Variants in ZBED1 observed in about 807,000 individuals in gnomAD.
The protein encoded by ZBED1 is E3 SUMO-protein ligase ZBED1.
Under a neutral mutation model 49.7 loss-of-function variants are expected in ZBED1, and 19 were observed. The observed-to-expected ratio is 0.38, with a 90% CI of 0.27 to 0.56. The LOEUF is 0.56. Among genes scored for constraint, ZBED1 ranks in the 20% least tolerant of loss-of-function variants. The pLI, the probability that ZBED1 is intolerant of heterozygous loss-of-function variation, is 0.70. For synonymous variants in ZBED1, 439 were observed against 440.3 expected (o/e 1.00, Z 0.04); for missense variants, 806 against 972.6 (o/e 0.83, Z 2.28).
intron 1 of ZBED1, among the ~76,000 whole-genome samples, chrX:2,495,136 C>CTATTAT (rs199925971): frequency 1.3e-5 from 2 of 149,580 alleles, no homozygotes; most frequent in African/African-American, 4.9e-5. Context: ...ATCATTATTA[C>CTATTAT]TATTATTATT....
intron 1 of ZBED1, among the ~76,000 whole-genome samples, chrX:2,491,709 G>A (rs1198893037): frequency 7.2e-5 from 11 of 152,224 alleles, no homozygotes; most frequent in Admixed American, 6.5e-5. Context: ...CTGTAAGCAC[G>A]TCTGAAGAAG....
At position 2,488,643 on chromosome X, in the gene ZBED1, A is replaced by C; in HGVS notation, c.2077T>G (p.Phe693Val). ...GACAACACGCTTCCTCGCTACAGGA[A>C]GCTGCTGTCCCTAATGCCAAAGAAA... Reference protein sequence around the residue: ...GGFFGIRDSSFL With the variant: ...GGFFGIRDSSVL Residue 693 changes from phenylalanine (F) to valine (V), a missense_variant, in exon 2 of 2, where the codon TTC becomes GTC. Physicochemically the swap from Phe to Val is conservative, Grantham distance 50 (BLOSUM62 -1). Around this residue, in one of 2 missense-constraint regions of ZBED1, gnomAD observed 749 missense variants for 861.3 expected, o/e 0.87. Coordinates refer to ENST00000652001, the MANE Select transcript of ZBED1 (RefSeq NM_001171136.2). 1.9e-6 allele frequency: 3 copies of C among 1,600,842 alleles called. No individual in the cohort carries two copies. The African/African-American group carries it at 4.0e-5, about 22-fold the overall frequency.
At position 2,488,570 on chromosome X, in the gene ZBED1, G is replaced by A; in HGVS notation, c.*65C>T. The A allele has an allele frequency of 6.6e-7, 1 of 1,517,462 alleles. No individual in the cohort carries two copies. The highest frequency in any genetic ancestry group is 8.8e-7 in the Non-Finnish European group (1 of 1,133,828). 94.0% of individuals were successfully genotyped at this position (1,517,462 alleles called of 1,614,324 possible). On this transcript the variant is annotated 3_prime_UTR_variant, in exon 2 of 2. Transcript: ENST00000652001. ...GTTCAAAACCAAGCTGACCGGGTAAGTATTTACAGCAAAGCATCCAATGGG... is the reference window on the plus strand; with the variant it reads ...GTTCAAAACCAAGCTGACCGGGTAAATATTTACAGCAAAGCATCCAATGGG...
Position 2,489,892 on chromosome X carries a change from C to G in ZBED1, c.828G>C (p.Val276=). The G allele has an allele frequency of 6.2e-7, 1 of 1,613,892 alleles. No individual in the cohort carries two copies. Among genetic ancestry groups the G allele is most frequent in the Non-Finnish European group, 8.5e-7 (1 of 1,179,880 alleles). The part of the protein sequence containing the change: ...GATTNYGKDI[V]KACSLLDVAV... ...CGACGTCCAGCAGGGAGCACGCCTT[C>G]ACGATGTCCTTGCCATAGTTGGTGG... The change falls in exon 2 of 2, where the codon GTG becomes GTC. Residue 276 remains valine (V), a synonymous_variant. Coordinates refer to ENST00000652001, the MANE Select transcript of ZBED1 (RefSeq NM_001171136.2).
rs774964103 is a variant in ZBED1 at position 2,488,563 on chromosome X, CG to C, written c.*71del. 4.5e-4 allele frequency: 671 copies of C among 1,502,358 alleles called. 3 individuals are homozygous for C. The African/African-American group carries it at 8.4e-3, about 19-fold the overall frequency. The allele number at this position is 1,502,358 out of a possible 1,614,324, so 93.1% of individuals were successfully genotyped here. Reference sequence around the variant, plus strand: ...CTCTGAGGTTCAAAACCAAGCTGACCGGGTAAGTATTTACAGCAAAGCATCC... The same window carrying C: ...CTCTGAGGTTCAAAACCAAGCTGACCGGTAAGTATTTACAGCAAAGCATCC... On this transcript the variant is annotated 3_prime_UTR_variant, in exon 2 of 2. Coordinates refer to ENST00000652001, the MANE Select transcript of ZBED1 (RefSeq NM_001171136.2).
chrX:2,488,516 G>T lies in ZBED1; in HGVS notation c.*119C>A. 1.6e-6 allele frequency: 2 copies of T among 1,277,266 alleles called. No homozygotes were observed. Among genetic ancestry groups the T allele is most frequent in the Non-Finnish European group, 2.1e-6 (2 of 942,092 alleles). 79.1% of individuals were successfully genotyped at this position (1,277,266 alleles called of 1,614,324 possible). ...ATCTCTTTCCTTTTTCCACCTTCTA[G>T]GTGTCAAAGACAGTGGATGGTCTCT... On this transcript the variant is annotated 3_prime_UTR_variant, in exon 2 of 2. Transcript: ENST00000652001.
intron 1 of ZBED1, among the ~76,000 whole-genome samples, chrX:2,497,155 G>T (rs1440915455): frequency 6.6e-6 from 1 of 152,110 alleles, no homozygotes; most frequent in East Asian, 1.9e-4. Flanking sequence ...CAGCAATTTG[G>T]GATGCCAAGG....
In ZBED1 at chrX:2,488,770, G is replaced by A. The variant is rs781584629; in HGVS notation, c.1950C>T (p.Asn650=). 101 of 1,613,958 alleles carry A rather than the reference G, an allele frequency of 6.3e-5. No homozygotes were observed. The East Asian group carries it at 1.4e-3, about 22-fold the overall frequency. Residue 650 remains asparagine, a synonymous_variant, in exon 2 of 2, where the codon AAC becomes AAT. Coordinates refer to ENST00000652001, the MANE Select transcript of ZBED1 (RefSeq NM_001171136.2). ...HVDEQVFLYE[N]ARSGAEAEPE... ...GTTCCGCCTCTGCCCCACTCCGGGC[G>A]TTCTCATACAGAAACACCTGCTCGT... is the stretch of plus-strand genomic sequence containing the variant.
chrX:2,499,968 A>G (rs2045375422), intron 1 of ZBED1, among the ~76,000 whole-genome samples: 1 of 152,180 alleles, frequency 6.6e-6, no homozygotes. Context: ...GCTTGAGCCC[A>G]GGAGTTCGAG....
intron 1 of ZBED1, among the ~76,000 whole-genome samples, chrX:2,494,871 C>T (rs1464504787): frequency 1.3e-5 from 2 of 151,636 alleles, no homozygotes; most frequent in Non-Finnish European, 1.5e-5. Flanking sequence ...TGAAAGAGGT[C>T]CTGGTACTGT....
chrX:2,493,355 G>A (rs1273338685), intron 1 of ZBED1, among the ~76,000 whole-genome samples: 1 of 151,976 alleles, frequency 6.6e-6, no homozygotes, highest in Non-Finnish European at 1.5e-5. Flanking sequence ...GCTGAAACAG[G>A]TTTTGGTAAT....
At position 2,486,477 on chromosome X, in the gene ZBED1, A is replaced by G. The variant is rs1412653667; in HGVS notation, c.*2158T>C. ...TTGAACAACAGTCCAACTTTACAGC[A>G]TTAAATAAGGGGCAACCGTTCAGGA... On this transcript the variant is annotated 3_prime_UTR_variant, in exon 2 of 2. Coordinates refer to ENST00000652001, the MANE Select transcript of ZBED1 (RefSeq NM_001171136.2). The G allele has an allele frequency of 6.6e-6, 1 of 152,242 alleles. No homozygotes were observed. The highest frequency in any genetic ancestry group is 1.5e-5 in the Non-Finnish European group (1 of 68,054). 9.4% of individuals were successfully genotyped at this position (152,242 alleles called of 1,614,324 possible).
intron 1 of ZBED1, among the ~76,000 whole-genome samples, chrX:2,492,454 G>A (rs756404157): frequency 3.3e-5 from 5 of 150,650 alleles, no homozygotes; most frequent in Non-Finnish European, 7.4e-5. Context: ...TAAAATCATG[G>A]TGGATTGAAC....
intron 1 of ZBED1, among the ~76,000 whole-genome samples, chrX:2,492,163 T>C (rs1308525351): frequency 6.6e-6 from 1 of 152,132 alleles, no homozygotes. Context: ...ACCTGGTACT[T>C]GTGTATGGGA....
intron 1 of ZBED1, among the ~76,000 whole-genome samples, chrX:2,498,628 A>AAC (rs1930798605): frequency 6.6e-6 from 1 of 150,974 alleles, no homozygotes; most frequent in South Asian, 2.1e-4. Context: ...TAAATGGGAA[A>AAC]AAAAAAAAAA....
chrX:2,495,783 T>C (rs1057452698), intron 1 of ZBED1, among the ~76,000 whole-genome samples: 22 of 147,486 alleles, frequency 1.5e-4, no homozygotes, highest in Non-Finnish European at 3.1e-4. Context: ...GGGAGGGGGG[T>C]TTGGGGGGGA....
At chrX:2,500,761 C>T in intron 1 of ZBED1, 56 bp downstream of exon 1, 1 of 914,316 alleles carries the variant, frequency 1.1e-6, no homozygotes, top group Non-Finnish European at 1.3e-6. Flanking sequence ...CGCCCCCGAG[C>T]CAGCCCGCGC....
rs1288127686 is a variant in ZBED1, at chrX:2,486,889, G to C, written c.*1746C>G. On this transcript the variant is annotated 3_prime_UTR_variant, in exon 2 of 2. Coordinates refer to ENST00000652001, the MANE Select transcript of ZBED1 (RefSeq NM_001171136.2). ...TCTGTGCTGCTTGCAGCCCTGAGAA[G>C]TCAGCAGCCGTGAAAGGCAGGTAGT... 6.6e-6 allele frequency: 1 copy of C among 152,254 alleles called. No individual in the cohort carries two copies. The highest frequency in any genetic ancestry group is 1.5e-5 in the Non-Finnish European group (1 of 68,056). The allele number at this position is 152,254 out of a possible 1,614,324, so 9.4% of individuals were successfully genotyped here.
rs1434365072 is a variant in ZBED1 at position 2,486,835 on chromosome X, T to TGG, written c.*1799_*1800insCC. On this transcript the variant is annotated 3_prime_UTR_variant, in exon 2 of 2. Transcript: ENST00000652001. ...TCCCGTGCTTCCTTTTCCACAGACT[T>TGG]AAACCGGCTCAGGACGTAAGGATAA... is the stretch of plus-strand genomic sequence containing the variant. The TGG allele has an allele frequency of 5.9e-5, 9 of 152,324 alleles. No individual in the cohort carries two copies. The highest frequency in any genetic ancestry group is 7.4e-5 in the Non-Finnish European group (5 of 68,018). The allele number at this position is 152,324 out of a possible 1,614,324, so 9.4% of individuals were successfully genotyped here. A position where few individuals can be genotyped will look rare whatever the true frequency, so the allele number is the denominator to read the frequency against.
Sources: gnomAD v4.1 joint callset for allele counts (sites outside exome capture counted in the v4.1 genomes callset) on GRCh38, gnomAD v4.1.1 for gene constraint, gnomAD v4.1.1 regional missense constraint, MANE v1.5 for transcripts, NCBI Gene and HGNC (gene_info 2026-07-23, HGNC 2026-07-21) for gene names.